The following SMYD3 variants were observed in gnomAD, a reference collection of about 807,000 sequenced individuals.
The protein encoded by SMYD3 is SET and MYND domain containing 3.
Under a neutral mutation model 57.7 loss-of-function variants are expected in SMYD3, and 36 were observed. The ratio of observed to expected loss-of-function variants is 0.62; its 90% CI spans 0.48 to 0.82. The LOEUF is 0.82. Among genes scored for constraint, SMYD3 ranks in the 40% least tolerant of loss-of-function variants. SMYD3 has a pLI of 0.00. For missense variants in SMYD3, 515 were observed against 538.8 expected, an observed-to-expected ratio of 0.96 and a Z score of 0.44; for synonymous variants, 211 against 195.0, an observed-to-expected ratio of 1.08 and a Z score of -0.68.
chr1:246,018,782 T>TA (rs1357441505), intron 5 of SMYD3, among the ~76,000 whole-genome samples: 4 of 151,140 alleles, frequency 2.6e-5, no homozygotes, highest in Non-Finnish European at 4.4e-5. Context: ...TTTTTTTTTT[T>TA]CCTGTAGAGA....
chr1:245,990,853 T>G (rs2058799003), intron 5 of SMYD3, among the ~76,000 whole-genome samples: 1 of 152,226 alleles, frequency 6.6e-6, no homozygotes, highest in Admixed American at 6.5e-5. Flanking sequence ...TGTGGTAATT[T>G]GTTATGACAG....
intron 10 of SMYD3, among the ~76,000 whole-genome samples, chr1:245,812,466 G>A (rs900020065): frequency 6.6e-6 from 1 of 152,150 alleles, no homozygotes; most frequent in Non-Finnish European, 1.5e-5. Context: ...CATTGGTCCT[G>A]TGCTCTACGA....
intron 1 of SMYD3, among the ~76,000 whole-genome samples, chr1:246,469,136 G>T (rs1253958876): frequency 6.6e-6 from 1 of 152,192 alleles, no homozygotes; most frequent in Non-Finnish European, 1.5e-5. Flanking sequence ...GTTGCCATAT[G>T]TGGCCAGTCT....
At chr1:246,310,358 C>T (rs1466443247) in intron 5 of SMYD3, among the ~76,000 whole-genome samples, 1 of 152,158 alleles carries the variant, frequency 6.6e-6, no homozygotes, top group East Asian at 1.9e-4. Context: ...CCATTCAATC[C>T]TGATGGACTG....
intron 10 of SMYD3, among the ~76,000 whole-genome samples, chr1:245,832,468 G>A (rs565119175): frequency 1.2e-4 from 14 of 121,502 alleles, no homozygotes; most frequent in African/African-American, 3.7e-4. Flanking sequence ...GCTCCTCATC[G>A]ATTTAATGTT....
intron 1 of SMYD3, among the ~76,000 whole-genome samples, chr1:246,499,986 T>G (rs575149728): frequency 6.6e-6 from 1 of 152,242 alleles, no homozygotes; most frequent in East Asian, 1.9e-4. Flanking sequence ...CCAGAGTATG[T>G]TAAGAGCAGG....
intron 1 of SMYD3, among the ~76,000 whole-genome samples, chr1:246,472,352 T>C (rs1398878944): frequency 1.3e-5 from 2 of 152,258 alleles, no homozygotes; most frequent in African/African-American, 4.8e-5. Context: ...TTTTACTATG[T>C]TGTTTTTTGT....
intron 5 of SMYD3, among the ~76,000 whole-genome samples, chr1:246,180,718 C>T (rs2062532425): frequency 8.4e-6 from 1 of 118,552 alleles, no homozygotes; most frequent in Middle Eastern, 6.3e-3. Context: ...GAGATCGCAC[C>T]ACCACACTCC....
intron 5 of SMYD3, among the ~76,000 whole-genome samples, chr1:246,182,845 A>T (rs1471604331): frequency 6.6e-6 from 1 of 152,140 alleles, no homozygotes; most frequent in Non-Finnish European, 1.5e-5. Flanking sequence ...TCCATTGCTC[A>T]AACCTAAATC....
chr1:245,856,823 T>C (rs1037821376), intron 10 of SMYD3, among the ~76,000 whole-genome samples: 4 of 152,128 alleles, frequency 2.6e-5, no homozygotes, highest in Admixed American at 2.6e-4. Context: ...CAGCTGCTGT[T>C]GGGGGCCTGG....
intron 5 of SMYD3, chr1:246,035,501 G>A (rs1323694613): frequency 1.3e-5 from 2 of 152,218 alleles, no homozygotes; most frequent in African/African-American, 2.4e-5. Context: ...CGGGACTGTC[G>A]TTTCACGAGG....
At chr1:246,149,088 T>G (rs568923204) in intron 5 of SMYD3, among the ~76,000 whole-genome samples, 1 of 152,306 alleles carries the variant, frequency 6.6e-6, no homozygotes, top group Admixed American at 6.5e-5. Context: ...AATGTGACAG[T>G]AGCTGGAGGA....
At chr1:245,951,670 CCT>C (rs945480387) in intron 5 of SMYD3, among the ~76,000 whole-genome samples, 11 of 151,366 alleles carry the variant, frequency 7.3e-5, no homozygotes, top group Admixed American at 2.0e-4. Flanking sequence ...CCACTTTTCC[CCT>C]GTGTTGTCCT....
intron 7 of SMYD3, among the ~76,000 whole-genome samples, chr1:245,920,433 A>G (rs1364774479): frequency 6.6e-6 from 1 of 152,152 alleles, no homozygotes; most frequent in Non-Finnish European, 1.5e-5. Flanking sequence ...AACTGGAAAA[A>G]AGCCTGAAAA....
intron 10 of SMYD3, among the ~76,000 whole-genome samples, chr1:245,777,477 A>G (rs1452183402): frequency 1.3e-5 from 2 of 152,172 alleles, no homozygotes; most frequent in African/African-American, 4.8e-5. Flanking sequence ...GCCTGAGGCT[A>G]TTCCCATCTA....
At chr1:245,780,526 T>A (rs1276337695) in intron 10 of SMYD3, among the ~76,000 whole-genome samples, 1 of 151,648 alleles carries the variant, frequency 6.6e-6, no homozygotes, top group African/African-American at 2.4e-5. Flanking sequence ...TTCCATGGGA[T>A]GTGGCCAAAG....
intron 5 of SMYD3, among the ~76,000 whole-genome samples, chr1:245,966,627 C>T (rs78693319): frequency 0.022 from 3,419 of 152,244 alleles, 119 homozygotes; most frequent in African/African-American, 0.072. Flanking sequence ...TTTTTAAAAA[C>T]ATTACTTAAT....
chr1:245,752,237 T>C (rs1435602510), intron 11 of SMYD3, among the ~76,000 whole-genome samples: 1 of 152,204 alleles, frequency 6.6e-6, no homozygotes, highest in Non-Finnish European at 1.5e-5. Flanking sequence ...AATCACTGCC[T>C]GGAAAGATCT....
chr1:246,497,730 G>C (rs1313068988), intron 1 of SMYD3, among the ~76,000 whole-genome samples: 1 of 152,068 alleles, frequency 6.6e-6, no homozygotes. Context: ...GATGTTGCAC[G>C]CCTGTGGTCT....
Sources: gnomAD v4.1 joint callset for allele counts (sites outside exome capture counted in the v4.1 genomes callset) on GRCh38, gnomAD v4.1.1 for gene constraint, MANE v1.5 for transcripts, NCBI Gene and HGNC (gene_info 2026-07-23, HGNC 2026-07-21) for gene names.